PREX1: variants seen among roughly 807,000 people sequenced by gnomAD.
The protein encoded by PREX1 is phosphatidylinositol 3,4,5-trisphosphate-dependent Rac exchanger 1 protein.
PREX1 carries 41 observed loss-of-function variants against 198.3 expected under a neutral mutation model. The observed-to-expected ratio is 0.21, with a 90% CI of 0.16 to 0.27. The LOEUF is 0.27. Among genes scored for constraint, PREX1 ranks in the 10% least tolerant of loss-of-function variants. The probability of loss-of-function intolerance (pLI) is 1.00; values close to 1 mark genes in which losing one functional copy is unlikely to be tolerated. For synonymous variants in PREX1, 843 were observed against 887.2 expected, an observed-to-expected ratio of 0.95 and a Z score of 0.89; for missense variants, 1,620 against 2,200.7, an observed-to-expected ratio of 0.74 and a Z score of 5.28.
intron 1 of PREX1, among the ~76,000 whole-genome samples, chr20:48,775,506 G>C (rs184677817): frequency 6.6e-6 from 1 of 152,202 alleles, no homozygotes; most frequent in East Asian, 1.9e-4. Flanking sequence ...AGACCACAAT[G>C]GCTGGAGCAG....
chr20:48,801,444 C>T (rs1203911764), intron 1 of PREX1, among the ~76,000 whole-genome samples: 1 of 152,200 alleles, frequency 6.6e-6, no homozygotes, highest in Non-Finnish European at 1.5e-5. Flanking sequence ...CACGCAGAGA[C>T]ACCCAAAGAG....
At chr20:48,742,168 G>A (rs2090085406) in intron 3 of PREX1, among the ~76,000 whole-genome samples, 1 of 152,136 alleles carries the variant, frequency 6.6e-6, no homozygotes, top group East Asian at 1.9e-4. Context: ...AGGTGCAGGG[G>A]GGCTCATGAT....
intron 15 of PREX1, among the ~76,000 whole-genome samples, chr20:48,664,400 C>T (rs556758364): frequency 2.0e-5 from 3 of 151,314 alleles, no homozygotes; most frequent in South Asian, 2.1e-4. Flanking sequence ...AGAGAGAATC[C>T]GAGCTAGGAG....
At chr20:48,870,151 A>G in the PREX1 span, among the ~76,000 whole-genome samples, 1 of 152,198 alleles carries the variant, frequency 6.6e-6, no homozygotes, top group Non-Finnish European at 1.5e-5. Flanking sequence ...GAATTTGCCT[A>G]CTTGTCCCCT....
chr20:48,780,523 G>A lies in PREX1; in HGVS notation c.220-32643C>T, dbSNP rs544854880. Among the ~76,000 whole-genome samples the A allele has an allele frequency of 5.3e-5, 8 of 152,264 alleles. No homozygotes were observed. The South Asian group carries it at 1.7e-3, about 32-fold the overall frequency. On this transcript the variant is annotated intron_variant, in intron 1 of 39. Transcript: ENST00000371941. Reference sequence around the variant, plus strand: ...AGAAGAAAAAAAATAGAGGAGGCATGTCAAAAGGGCACGGGGTCAACCAGA... The same window carrying A: ...AGAAGAAAAAAAATAGAGGAGGCATATCAAAAGGGCACGGGGTCAACCAGA...
chr20:48,649,960 A>C, intron 24 of PREX1, 36 bp downstream of exon 24: 1 of 1,606,012 alleles, frequency 6.2e-7, no homozygotes, highest in Non-Finnish European at 8.5e-7. Context: ...GGAGTGCAAC[A>C]TCTGAACACA....
intron 1 of PREX1, among the ~76,000 whole-genome samples, chr20:48,815,238 C>T (rs1452034080): frequency 6.6e-6 from 1 of 152,182 alleles, no homozygotes; most frequent in Non-Finnish European, 1.5e-5. Flanking sequence ...GGAGACCAAG[C>T]ATCTGTAAGG....
At chr20:48,873,270 C>G in the PREX1 span, among the ~76,000 whole-genome samples, 5 of 152,128 alleles carry the variant, frequency 3.3e-5, no homozygotes. Context: ...ATCTCAGTGG[C>G]CAAAGCAAGT....
intron 1 of PREX1, among the ~76,000 whole-genome samples, chr20:48,789,220 T>C (rs2090326504): frequency 6.6e-6 from 1 of 152,180 alleles, no homozygotes; most frequent in African/African-American, 2.4e-5. Flanking sequence ...TCCAATGTCA[T>C]GGAAGGTTCC....
chr20:48,686,096 G>A (rs1203540750), intron 10 of PREX1, among the ~76,000 whole-genome samples: 4 of 152,038 alleles, frequency 2.6e-5, no homozygotes, highest in African/African-American at 9.7e-5. Context: ...TCTGTGCCTC[G>A]GTTTCCTCAC....
chr20:48,762,815 G>A (rs1315130470), intron 1 of PREX1, among the ~76,000 whole-genome samples: 1 of 149,522 alleles, frequency 6.7e-6, no homozygotes, highest in Non-Finnish European at 1.5e-5. Context: ...CGATTCTTCT[G>A]CCTCAACCTC....
At chr20:48,833,015 C>T in the PREX1 span, among the ~76,000 whole-genome samples, 1 of 152,208 alleles carries the variant, frequency 6.6e-6, no homozygotes, top group Admixed American at 6.5e-5. Flanking sequence ...CTTCAAATCC[C>T]AGTCCCACTG....
chr20:48,859,026 GCTAGGACTA>G, the PREX1 span, among the ~76,000 whole-genome samples: 1 of 152,096 alleles, frequency 6.6e-6, no homozygotes, highest in South Asian at 2.1e-4. Context: ...CTCCCGAGTA[GCTAGGACTA>G]CAGGCATGTG....
At chr20:48,679,067 T>C (rs899444842) in intron 13 of PREX1, among the ~76,000 whole-genome samples, 2 of 152,134 alleles carry the variant, frequency 1.3e-5, no homozygotes, top group Non-Finnish European at 2.9e-5. Context: ...GAGGAAACGG[T>C]TGAGGCACAG....
chr20:48,662,353 C>G (rs1218342241), intron 15 of PREX1, among the ~76,000 whole-genome samples: 1 of 152,210 alleles, frequency 6.6e-6, no homozygotes, highest in Admixed American at 6.5e-5. Flanking sequence ...ACGAGCTCAG[C>G]CAAGCGAGCT....
chr20:48,649,116 C>T (rs1000426680), intron 25 of PREX1, among the ~76,000 whole-genome samples, 184 bp downstream of exon 25: 2 of 152,124 alleles, frequency 1.3e-5, no homozygotes, highest in South Asian at 4.2e-4. Context: ...TTGGTTGTCA[C>T]AATCAGGTGA....
At chr20:48,760,250 G>T (rs1354113352) in intron 1 of PREX1, among the ~76,000 whole-genome samples, 1 of 152,052 alleles carries the variant, frequency 6.6e-6, no homozygotes, top group African/African-American at 2.4e-5. Context: ...AACCACATCT[G>T]TAGGGCTTCT....
chr20:48,633,402 T>C lies in PREX1; in HGVS notation c.4268-763A>G, dbSNP rs539380123. On this transcript the variant is annotated intron_variant, in intron 33 of 39. Coordinates refer to ENST00000371941, the MANE Select transcript of PREX1 (RefSeq NM_020820.4). ...CAGACACAGGGTATACCCGTAGTAG[T>C]ATAATTTCATGGGGGTGCAGCAATT... Among the ~76,000 whole-genome samples, 5 of 152,334 alleles carry C rather than the reference T, an allele frequency of 3.3e-5. No individual in the cohort carries two copies. In the South Asian group the frequency reaches 6.2e-4, roughly 19 times the overall value.
At chr20:48,781,462 AC>A (rs2090289504) in intron 1 of PREX1, among the ~76,000 whole-genome samples, 3 of 152,290 alleles carry the variant, frequency 2.0e-5, no homozygotes, top group African/African-American at 7.2e-5. Flanking sequence ...ACAATGCACA[AC>A]TACACAAGGA....
Sources: allele counts gnomAD v4.1 joint callset (sites outside exome capture counted in the v4.1 genomes callset), GRCh38; gene constraint gnomAD v4.1.1; transcripts MANE v1.5; gene names NCBI Gene and HGNC (gene_info 2026-07-23, HGNC 2026-07-21).